Variants in GIPC2 observed in about 807,000 individuals in gnomAD.
The protein encoded by GIPC2 is PDZ domain-containing protein GIPC2.
GIPC2 carries 30 observed loss-of-function variants against 30.6 expected under a neutral mutation model. The ratio of observed to expected loss-of-function variants is 0.98; its 90% CI spans 0.73 to 1.33. The LOEUF (loss-of-function observed/expected upper bound fraction) is 1.33. Ranked by LOEUF, GIPC2 falls within the 40% of genes most tolerant of loss-of-function variation. The pLI, the probability that GIPC2 is intolerant of heterozygous loss-of-function variation, is 0.00. For missense variants in GIPC2, 414 were observed against 390.3 expected (o/e 1.06, Z -0.51); for synonymous variants, 167 against 150.0 (o/e 1.11, Z -0.83).
At chr1:78,100,942 ACACACACACAC>A (rs1662237394) in intron 3 of GIPC2, among the ~76,000 whole-genome samples, 1 of 99,036 alleles carries the variant, frequency 1.0e-5, no homozygotes, top group African/African-American at 4.0e-5. Context: ...AAAAAAAAAT[ACACACACACAC>A]ACACACACAC....
intron 2 of GIPC2, among the ~76,000 whole-genome samples, chr1:78,089,937 T>A (rs1166270631): frequency 3.9e-5 from 6 of 152,224 alleles, no homozygotes; most frequent in Admixed American, 3.9e-4. Context: ...TGAATGAGCA[T>A]GCATGTTTCC....
At chr1:78,078,187 CAAAAA>C (rs10694093) in intron 1 of GIPC2, among the ~76,000 whole-genome samples, 4 of 65,106 alleles carry the variant, frequency 6.1e-5, no homozygotes, top group Admixed American at 2.1e-4. Context: ...GACTCCATCT[CAAAAA>C]AAAAAAAAAA....
chr1:78,121,692 A>C (rs1011824011), intron 4 of GIPC2, among the ~76,000 whole-genome samples: 1 of 152,186 alleles, frequency 6.6e-6, no homozygotes, highest in Non-Finnish European at 1.5e-5. Context: ...TGTTTTGAAA[A>C]GGAGATATGA....
At chr1:78,084,568 C>A (rs1463650445) in intron 2 of GIPC2, among the ~76,000 whole-genome samples, 1 of 151,960 alleles carries the variant, frequency 6.6e-6, no homozygotes, top group Non-Finnish European at 1.5e-5. Flanking sequence ...TCATCCTGCC[C>A]CACAGGGTTA....
intron 1 of GIPC2, among the ~76,000 whole-genome samples, chr1:78,055,916 G>A (rs1287254589): frequency 1.3e-5 from 2 of 152,150 alleles, no homozygotes; most frequent in Admixed American, 6.5e-5. Flanking sequence ...TTTAGAAAAC[G>A]AAAGTATTTT....
chr1:78,115,634 C>T (rs888990504), intron 3 of GIPC2, among the ~76,000 whole-genome samples: 2 of 152,304 alleles, frequency 1.3e-5, no homozygotes, highest in African/African-American at 4.8e-5. Context: ...TCTTCCCTCA[C>T]ACAGGACATA....
intron 4 of GIPC2, among the ~76,000 whole-genome samples, chr1:78,124,363 T>C (rs1662743253): frequency 6.6e-6 from 1 of 152,226 alleles, no homozygotes; most frequent in East Asian, 1.9e-4. Context: ...TTTTTTGGTG[T>C]ATTTTTATAA....
chr1:78,105,534 C>T (rs1662331083), intron 3 of GIPC2, among the ~76,000 whole-genome samples: 1 of 152,100 alleles, frequency 6.6e-6, no homozygotes, highest in South Asian at 2.1e-4. Context: ...GATCCGCCCA[C>T]CTCGGCCTCC....
At chr1:78,073,197 G>C (rs1206124975) in intron 1 of GIPC2, among the ~76,000 whole-genome samples, 2 of 151,068 alleles carry the variant, frequency 1.3e-5, no homozygotes, top group African/African-American at 2.4e-5. Context: ...TCTACCTCCT[G>C]GGTTCAAGCA....
At chr1:78,045,731 A>G, upstream of GIPC2, 1 of 985,488 alleles carries the variant, frequency 1.0e-6, no homozygotes, top group South Asian at 4.7e-5. Flanking sequence ...AGATTTATGA[A>G]AAGCAGAGAA....
intron 3 of GIPC2, among the ~76,000 whole-genome samples, chr1:78,103,435 T>A (rs573985986): frequency 1.3e-5 from 2 of 152,214 alleles, no homozygotes; most frequent in African/African-American, 4.8e-5. Context: ...AATGTATGTA[T>A]GTGCTTAGAA....
intron 5 of GIPC2, among the ~76,000 whole-genome samples, chr1:78,127,478 G>A (rs914477344): frequency 6.6e-6 from 1 of 152,132 alleles, no homozygotes; most frequent in Non-Finnish European, 1.5e-5. Context: ...TGGCCCATTT[G>A]GGGATTTGGC....
At chr1:78,134,358 GTGTGTA>G (rs1571535395) in intron 5 of GIPC2, among the ~76,000 whole-genome samples, 1 of 151,904 alleles carries the variant, frequency 6.6e-6, no homozygotes, top group Admixed American at 6.6e-5. Context: ...GTGTGTGTGT[GTGTGTA>G]TGTATGTGTG....
chr1:78,117,015 C>CTGT (rs34020055), intron 3 of GIPC2, among the ~76,000 whole-genome samples: 32,606 of 151,540 alleles, frequency 0.22, 3,935 homozygotes, highest in East Asian at 0.6. Context: ...TCTCCAGCAC[C>CTGT]TGTTTCCTGA....
chr1:78,080,995 C>A, intron 2 of GIPC2, 135 bp downstream of exon 2: 1 of 491,526 alleles, frequency 2.0e-6, no homozygotes, highest in Non-Finnish European at 3.6e-6. Context: ...TAATGTTTCA[C>A]TTTCATTTTA....
chr1:78,129,903 C>A (rs1662858839), intron 5 of GIPC2, among the ~76,000 whole-genome samples: 2 of 152,010 alleles, frequency 1.3e-5, no homozygotes, highest in South Asian at 4.2e-4. Context: ...TTATTGAGAT[C>A]CTGAGATGTG....
In GIPC2 at chr1:78,123,445, A is replaced by G. The variant is rs951333698; in HGVS notation, c.715-2436A>G. The stretch of plus-strand genomic sequence containing the variant: ...CTGGTTAGGTAGGGGTGATGAGGCT[A>G]GAGGCATAGGCTGGGGTTAGGATAT... On this transcript the variant is annotated intron_variant, in intron 4 of 5. Coordinates refer to ENST00000370759, the MANE Select transcript of GIPC2 (RefSeq NM_017655.6). Among the ~76,000 whole-genome samples the G allele has an allele frequency of 9.9e-5, 15 of 152,102 alleles. No individual in the cohort carries two copies. In the South Asian group the frequency reaches 1.2e-3, roughly 13 times the overall value.
intron 3 of GIPC2, among the ~76,000 whole-genome samples, chr1:78,113,566 T>G (rs981362451): frequency 1.2e-4 from 18 of 152,190 alleles, no homozygotes; most frequent in African/African-American, 4.3e-4. Flanking sequence ...TTTTGTATTT[T>G]TTTGTAGAGA....
At chr1:78,097,193 GTTTCCTTTC>G (rs1393641022) in intron 3 of GIPC2, among the ~76,000 whole-genome samples, 2 of 152,116 alleles carry the variant, frequency 1.3e-5, no homozygotes, top group African/African-American at 4.8e-5. Context: ...CTTTTGCTAT[GTTTCCTTTC>G]TTTTTTTCCT....
Sources: allele counts gnomAD v4.1 joint callset (sites outside exome capture counted in the v4.1 genomes callset), GRCh38; gene constraint gnomAD v4.1.1; transcripts MANE v1.5; gene names NCBI Gene and HGNC (gene_info 2026-07-23, HGNC 2026-07-21).